Variants in CADPS observed in about 807,000 individuals in gnomAD.
The protein encoded by CADPS is calcium dependent secretion activator, also known as calcium-dependent secretion activator 1.
A neutral mutation model predicts 167.3 loss-of-function variants in CADPS; 57 were observed. That is an observed-to-expected ratio of 0.34 (90% CI 0.28 to 0.42). CADPS has a LOEUF of 0.42. Ranked by LOEUF, CADPS falls within the 20% of genes least tolerant of loss-of-function variation. The pLI is 1.00. For synonymous variants in CADPS, 676 were observed against 635.3 expected (o/e 1.06, Z -0.96); for missense variants, 1,414 against 1,738.1 (o/e 0.81, Z 3.32).
chr3:62,765,813 G>A (rs753808772), intron 2 of CADPS, 58 bp downstream of exon 2: 3 of 1,140,732 alleles, frequency 2.6e-6, no homozygotes, highest in Non-Finnish European at 3.9e-6. Context: ...CTGCAGCTCA[G>A]ACTCCCCAGG....
intron 13 of CADPS, among the ~76,000 whole-genome samples, chr3:62,529,935 A>G (rs932823995): frequency 3.9e-5 from 6 of 152,228 alleles, no homozygotes; most frequent in Non-Finnish European, 8.8e-5. Context: ...AAAGGTGAAG[A>G]AGGGCACAGA....
intron 3 of CADPS, among the ~76,000 whole-genome samples, chr3:62,696,352 C>T (rs1213772524): frequency 7.2e-5 from 11 of 152,106 alleles, no homozygotes; most frequent in Admixed American, 6.5e-4. Context: ...ACAGTGCCTT[C>T]CCCAGCAGCA....
chr3:62,540,780 T>C (rs1372738696), intron 11 of CADPS, among the ~76,000 whole-genome samples: 1 of 152,156 alleles, frequency 6.6e-6, no homozygotes, highest in Non-Finnish European at 1.5e-5. Context: ...TCTTGCACTG[T>C]CCCGGTCTGT....
intron 8 of CADPS, among the ~76,000 whole-genome samples, chr3:62,580,089 C>T (rs950529571): frequency 2.6e-5 from 4 of 152,068 alleles, no homozygotes; most frequent in East Asian, 1.9e-4. Context: ...GCTAAGAGTT[C>T]GAGACCAAAG....
At chr3:62,477,629 G>A (rs1390311678) in intron 23 of CADPS, among the ~76,000 whole-genome samples, 1 of 152,112 alleles carries the variant, frequency 6.6e-6, no homozygotes, top group Non-Finnish European at 1.5e-5. Context: ...TTCAAGTACA[G>A]CATTCCTAAC....
chr3:62,705,052 A>G (rs2151643778), intron 3 of CADPS, among the ~76,000 whole-genome samples: 1 of 152,232 alleles, frequency 6.6e-6, no homozygotes, highest in Non-Finnish European at 1.5e-5. Context: ...TAGCCTTAAA[A>G]GTAACCTGGG....
intron 3 of CADPS, among the ~76,000 whole-genome samples, chr3:62,691,030 G>A (rs1430711009): frequency 6.6e-6 from 1 of 152,020 alleles, no homozygotes; most frequent in African/African-American, 2.4e-5. Context: ...AAAAGATGTC[G>A]AGGAAGCTTA....
chr3:62,447,260 T>G (rs2057361493), intron 26 of CADPS, among the ~76,000 whole-genome samples: 2 of 152,130 alleles, frequency 1.3e-5, no homozygotes, highest in Non-Finnish European at 1.5e-5. Flanking sequence ...AGAAAACGCA[T>G]GAGAAAGTGC....
chr3:62,683,554 T>C (rs1001071074), intron 3 of CADPS, among the ~76,000 whole-genome samples: 1 of 152,102 alleles, frequency 6.6e-6, no homozygotes, highest in African/African-American at 2.4e-5. Flanking sequence ...CTTGTTAACA[T>C]CTCATGTTAC....
At chr3:62,533,631 A>C (rs554765685) in intron 12 of CADPS, among the ~76,000 whole-genome samples, 2 of 152,324 alleles carry the variant, frequency 1.3e-5, no homozygotes, top group African/African-American at 4.8e-5. Flanking sequence ...ACTCAAATCC[A>C]GCTCTGTCAT....
At chr3:62,700,727 T>G (rs1021798661) in intron 3 of CADPS, among the ~76,000 whole-genome samples, 19 of 152,122 alleles carry the variant, frequency 1.2e-4, no homozygotes, top group African/African-American at 4.3e-4. Context: ...CCCATTCTTA[T>G]GCTCAGTTTA....
intron 24 of CADPS, chr3:62,467,451 G>A (rs909954198): frequency 9.0e-6 from 3 of 333,244 alleles, no homozygotes; most frequent in Non-Finnish European, 1.5e-5. Flanking sequence ...ATAAGCCATA[G>A]TAATGTGGTT....
chr3:62,786,984 T>C (rs1200038428), intron 1 of CADPS, among the ~76,000 whole-genome samples: 1 of 152,092 alleles, frequency 6.6e-6, no homozygotes, highest in African/African-American at 2.4e-5. Context: ...TTTTCAGTTA[T>C]GATCAAGTAT....
chr3:62,492,212 C>T, intron 20 of CADPS, 78 bp downstream of exon 20: 1 of 1,264,698 alleles, frequency 7.9e-7, no homozygotes, highest in Non-Finnish European at 1.1e-6. Context: ...CTGTAGTCTG[C>T]TTGGGATAAA....
intron 3 of CADPS, among the ~76,000 whole-genome samples, chr3:62,731,826 A>T (rs144370374): frequency 1.2e-5 from 1 of 86,306 alleles, no homozygotes; most frequent in Non-Finnish European, 2.2e-5. Context: ...AAAAAAAAAA[A>T]AAAAGTAAAG....
chr3:62,601,935 T>C lies in CADPS; in HGVS notation c.1326-9187A>G, dbSNP rs2060032302. On this transcript the variant is annotated intron_variant, in intron 6 of 29. Transcript: ENST00000383710. The surrounding 1 kb of genome is among the most constrained non-coding windows in gnomAD (Gnocchi z 4.3). The stretch of plus-strand genomic sequence containing the variant: ...ATGGGTAAAACAACCTTGTTCTCTG[T>C]GTTTGGGGAGCATCTGCTTGATCAC... Among the ~76,000 whole-genome samples the C allele has an allele frequency of 6.6e-6, 1 of 152,064 alleles. No homozygotes were observed. Among genetic ancestry groups the C allele is most frequent in the Admixed American group, 6.6e-5 (1 of 15,250 alleles).
chr3:62,480,001 A>G (rs2061791898), intron 22 of CADPS, among the ~76,000 whole-genome samples: 1 of 152,152 alleles, frequency 6.6e-6, no homozygotes, highest in Non-Finnish European at 1.5e-5. Context: ...ATTGGTATTT[A>G]TTACAACAAC....
chr3:62,491,097 T>A (rs945726965), intron 21 of CADPS, among the ~76,000 whole-genome samples: 2 of 152,128 alleles, frequency 1.3e-5, no homozygotes, highest in Non-Finnish European at 2.9e-5. Context: ...TCTTGTGCAA[T>A]AAGAGATTTC....
intron 6 of CADPS, among the ~76,000 whole-genome samples, chr3:62,603,793 G>C (rs186683433): frequency 2.0e-5 from 3 of 151,574 alleles, no homozygotes; most frequent in Non-Finnish European, 4.4e-5. Flanking sequence ...CATCTCTGCC[G>C]TATCTGAATC....
Sources: allele counts gnomAD v4.1 joint callset (sites outside exome capture counted in the v4.1 genomes callset), GRCh38; gene constraint gnomAD v4.1.1; non-coding constraint Gnocchi (gnomAD v3.1); transcripts MANE v1.5; gene names NCBI Gene and HGNC (gene_info 2026-07-23, HGNC 2026-07-21).